The following SH3KBP1 variants were observed in gnomAD, a reference collection of about 807,000 sequenced individuals.
The protein encoded by SH3KBP1 is SH3 domain-containing kinase-binding protein 1.
In SH3KBP1, 8 loss-of-function variants were observed where a neutral mutation model predicts 50.1. The observed-to-expected ratio is 0.16, with a 90% confidence interval of 0.09 to 0.29. The LOEUF is 0.29. Ranked by LOEUF, SH3KBP1 falls within the 10% of genes least tolerant of loss-of-function variation. SH3KBP1 has a pLI of 1.00. For missense variants in SH3KBP1, 377 were observed against 535.2 expected, an observed-to-expected ratio of 0.70 and a Z score of 2.92; for synonymous variants, 227 against 218.6, an observed-to-expected ratio of 1.04 and a Z score of -0.34.
At chrX:19,861,058 GT>G (rs1456517629) in intron 1 of SH3KBP1, among the ~76,000 whole-genome samples, 6 of 111,530 alleles carry the variant, frequency 5.4e-5, no homozygotes, top group Non-Finnish European at 1.1e-4. Flanking sequence ...TAAGTCTAAA[GT>G]TTGTTCAAAA....
chrX:19,706,063 C>T (rs1437450585), intron 4 of SH3KBP1, among the ~76,000 whole-genome samples: 1 of 111,761 alleles, frequency 8.9e-6, no homozygotes, highest in East Asian at 2.8e-4. Context: ...CCTGCCACTT[C>T]CACTCACATG....
rs2065198772 is a variant in SH3KBP1, at chrX:19,550,166, A to G, written c.1385-83T>C. 3.8e-5 allele frequency: 23 copies of G among 607,854 alleles called. No individual in the cohort carries two copies. The South Asian group carries it at 4.5e-4, about 12-fold the overall frequency. The allele number at this position is 607,854 out of a possible 1,213,427, so 50.1% of individuals were successfully genotyped here. On this transcript the variant is annotated intron_variant, in intron 13 of 17. Transcript: ENST00000397821. ...ATGTCATAAGCACCTCTCTTCCTCA[A>G]TAATAATCCTTTCTGTCTGGATTAC...
intron 5 of SH3KBP1, among the ~76,000 whole-genome samples, chrX:19,692,381 A>G (rs1386509047): frequency 9.0e-6 from 1 of 110,529 alleles, no homozygotes; most frequent in African/African-American, 3.3e-5. Flanking sequence ...GGGATTCAAC[A>G]AGCATTTATT....
intron 7 of SH3KBP1, among the ~76,000 whole-genome samples, chrX:19,643,551 A>G (rs1398148398): frequency 2.7e-5 from 3 of 109,177 alleles, no homozygotes; most frequent in Non-Finnish European, 5.7e-5. Flanking sequence ...CAACTGTAGA[A>G]ATTCTTATCC....
At chrX:19,576,945 AGC>A (rs1414735732) in intron 12 of SH3KBP1, among the ~76,000 whole-genome samples, 1 of 111,816 alleles carries the variant, frequency 8.9e-6, no homozygotes, top group Non-Finnish European at 1.9e-5. Flanking sequence ...TCAAAGTCTC[AGC>A]CATCTCAGCC....
chrX:19,553,919 T>C (rs2065325440), intron 13 of SH3KBP1, among the ~76,000 whole-genome samples: 1 of 62,293 alleles, frequency 1.6e-5, no homozygotes, highest in Non-Finnish European at 2.9e-5. Flanking sequence ...ATATTATATA[T>C]AATATTAAAA....
chrX:19,847,325 A>G (rs1417380711), intron 1 of SH3KBP1, among the ~76,000 whole-genome samples: 1 of 111,449 alleles, frequency 9.0e-6, no homozygotes, highest in Non-Finnish European at 1.9e-5. Flanking sequence ...GCCTCCTGAA[A>G]GAAAAGTCAT....
At chrX:19,869,578 G>A (rs1271281111) in intron 1 of SH3KBP1, among the ~76,000 whole-genome samples, 1 of 112,462 alleles carries the variant, frequency 8.9e-6, no homozygotes, top group African/African-American at 3.2e-5. Context: ...CAGTGGTCAG[G>A]AGGCAGTAGC....
chrX:19,681,204 T>C (rs772932629), intron 6 of SH3KBP1, among the ~76,000 whole-genome samples: 10 of 112,258 alleles, frequency 8.9e-5, no homozygotes, highest in Admixed American at 5.6e-4. Context: ...GGATTAGGGA[T>C]GTTCAACGCA....
chrX:19,858,241 G>GTAC (rs1424620565), intron 1 of SH3KBP1, among the ~76,000 whole-genome samples: 1 of 111,123 alleles, frequency 9.0e-6, no homozygotes, highest in Non-Finnish European at 1.9e-5. Flanking sequence ...TGCTTTCTAG[G>GTAC]TAATCTGAAA....
At chrX:19,690,984 T>C (rs1185707780) in intron 5 of SH3KBP1, among the ~76,000 whole-genome samples, 1 of 111,976 alleles carries the variant, frequency 8.9e-6, no homozygotes, top group Non-Finnish European at 1.9e-5. Context: ...AGTTAAACAA[T>C]ATCTAAATTC....
chrX:19,759,525 C>T (rs1432011958), intron 2 of SH3KBP1, among the ~76,000 whole-genome samples: 3 of 111,773 alleles, frequency 2.7e-5, no homozygotes, highest in African/African-American at 9.8e-5. Context: ...CAGGATAACT[C>T]GATTGTCAAG....
At chrX:19,801,095 A>G (rs755128219) in intron 2 of SH3KBP1, among the ~76,000 whole-genome samples, 1 of 111,586 alleles carries the variant, frequency 9.0e-6, no homozygotes, top group South Asian at 3.7e-4. Context: ...TTCTAAGCCA[A>G]TCATTGCTTC....
intron 6 of SH3KBP1, among the ~76,000 whole-genome samples, chrX:19,668,961 TATATATA>T (rs1402529728): frequency 3.3e-5 from 2 of 60,281 alleles, no homozygotes; most frequent in Admixed American, 1.8e-4. Context: ...TATATATATA[TATATATA>T]TATATATTTT....
intron 6 of SH3KBP1, chrX:19,670,331 G>A (rs1323243042): frequency 5.3e-6 from 4 of 751,390 alleles, no homozygotes; most frequent in Non-Finnish European, 6.3e-6. Context: ...CACTCACAAA[G>A]AAAACTCCAA....
At chrX:19,665,262 C>T (rs943077736) in intron 6 of SH3KBP1, among the ~76,000 whole-genome samples, 1 of 112,121 alleles carries the variant, frequency 8.9e-6, no homozygotes, top group Non-Finnish European at 1.9e-5. Context: ...GCATTTCTAC[C>T]TTCCTCATTT....
At chrX:19,840,257 C>A (rs1163418114) in intron 1 of SH3KBP1, among the ~76,000 whole-genome samples, 1 of 111,777 alleles carries the variant, frequency 8.9e-6, no homozygotes, top group Non-Finnish European at 1.9e-5. Context: ...AGTGTCACTG[C>A]AAATGTGGCT....
intron 1 of SH3KBP1, among the ~76,000 whole-genome samples, chrX:19,872,265 AAAAAAAAAGAAAG>A (rs1448230675): frequency 1.9e-5 from 2 of 103,345 alleles, no homozygotes; most frequent in African/African-American, 7.2e-5. Context: ...AAAAAAAAAA[AAAAAAAAAGAAAG>A]AAAGAAAGAA....
chrX:19,792,772 T>A (rs1314545328), intron 2 of SH3KBP1, among the ~76,000 whole-genome samples: 1 of 15,519 alleles, frequency 6.4e-5, no homozygotes, highest in African/African-American at 3.2e-4. Flanking sequence ...CTTGGAGGGA[T>A]CTGGCGGGGG....
Sources: allele counts gnomAD v4.1 joint callset (sites outside exome capture counted in the v4.1 genomes callset), GRCh38; gene constraint gnomAD v4.1.1; transcripts MANE v1.5; gene names NCBI Gene and HGNC (gene_info 2026-07-23, HGNC 2026-07-21).